The following SLCO2A1 variants were observed in gnomAD, a reference collection of about 807,000 sequenced individuals.
SLCO2A1 encodes solute carrier organic anion transporter family member 2A1.
A neutral mutation model predicts 71.7 loss-of-function variants in SLCO2A1; 60 were observed. The ratio of observed to expected loss-of-function variants is 0.84; its 90% CI spans 0.68 to 1.04. The LOEUF (loss-of-function observed/expected upper bound fraction) is 1.04. Ranked by LOEUF, SLCO2A1 falls within the 50% of genes least tolerant of loss-of-function variation. The probability of loss-of-function intolerance (pLI) is 0.00; values close to 1 mark genes in which losing one functional copy is unlikely to be tolerated. For missense variants in SLCO2A1, 745 were observed against 813.4 expected (o/e 0.92, Z 1.02); for synonymous variants, 308 against 326.7 (o/e 0.94, Z 0.62).
At chr3:133,966,541 G>A (rs1156268640) in intron 3 of SLCO2A1, among the ~76,000 whole-genome samples, 1 of 152,232 alleles carries the variant, frequency 6.6e-6, no homozygotes. Context: ...GCACCAGCCA[G>A]CCCCCTTAGG....
In SLCO2A1 at chr3:133,965,403, C is replaced by T. The variant is rs574622548; in HGVS notation, c.397+8260G>A. 2.5e-3 allele frequency among the ~76,000 whole-genome samples: 375 copies of T among 152,328 alleles called. 2 individuals carry two copies. Among genetic ancestry groups the T allele is most frequent in the African/African-American group, 7.9e-3 (327 of 41,578 alleles). The stretch of plus-strand genomic sequence containing the variant: ...TCACCCAGAAAGAAGCTGCTCTGAG[C>T]GCATGCCACTCAACGCTTGTCACGG... On this transcript the variant is annotated intron_variant, in intron 3 of 13. Coordinates refer to ENST00000310926, the MANE Select transcript of SLCO2A1 (RefSeq NM_005630.3).
At chr3:133,944,968 A>T (rs1933527472) in intron 10 of SLCO2A1, 127 bp downstream of exon 10, 2 of 1,140,622 alleles carry the variant, frequency 1.8e-6, no homozygotes, top group Admixed American at 4.8e-5. Context: ...GGAGGCCAGG[A>T]TGCTGGTAAT....
rs1294640340 is a variant in SLCO2A1 at position 133,935,037 on chromosome 3, CTT to C, written c.1815-209_1815-208del. On this transcript the variant is annotated intron_variant, in intron 13 of 13. Coordinates refer to ENST00000310926, the MANE Select transcript of SLCO2A1 (RefSeq NM_005630.3). ...GCAGGCAGGGAGTAGGCATGGGACT[CTT>C]AATCCAGGGCTCATCATCCCTCCAC... 2.6e-5 allele frequency among the ~76,000 whole-genome samples: 4 copies of C among 152,258 alleles called. No homozygotes were observed. In the East Asian group the frequency reaches 7.7e-4, roughly 29 times the overall value.
At chr3:133,937,829 C>T (rs1241149614) in intron 12 of SLCO2A1, among the ~76,000 whole-genome samples, 1 of 152,204 alleles carries the variant, frequency 6.6e-6, no homozygotes, top group Non-Finnish European at 1.5e-5. Context: ...CAGGAATGGG[C>T]CTGCATTGTG....
At chr3:133,990,030 G>T (rs568648160) in intron 1 of SLCO2A1, among the ~76,000 whole-genome samples, 1 of 152,198 alleles carries the variant, frequency 6.6e-6, no homozygotes, top group South Asian at 2.1e-4. Context: ...TGTGTTTTCC[G>T]TGGGGTAAAG....
At chr3:133,981,890 G>A (rs936500282) in intron 1 of SLCO2A1, among the ~76,000 whole-genome samples, 1 of 149,740 alleles carries the variant, frequency 6.7e-6, no homozygotes, top group African/African-American at 2.5e-5. Context: ...CAGGAGAATC[G>A]CTTGAACCTG....
At chr3:133,992,474 G>A (rs1934875769) in intron 1 of SLCO2A1, among the ~76,000 whole-genome samples, 1 of 152,244 alleles carries the variant, frequency 6.6e-6, no homozygotes, top group South Asian at 2.1e-4. Context: ...ATTCCAGGCA[G>A]GCAGAAGAGG....
intron 3 of SLCO2A1, among the ~76,000 whole-genome samples, chr3:133,967,118 G>C (rs1326447048): frequency 6.6e-6 from 1 of 152,184 alleles, no homozygotes; most frequent in Non-Finnish European, 1.5e-5. Context: ...TCTCAGCGGA[G>C]CAGGCTGCAG....
intron 1 of SLCO2A1, among the ~76,000 whole-genome samples, chr3:133,993,970 T>C (rs1934906867): frequency 6.6e-6 from 1 of 152,070 alleles, no homozygotes; most frequent in Non-Finnish European, 1.5e-5. Context: ...CTTGGGGACA[T>C]GGTATCAGAA....
At chr3:133,955,645 A>G (rs1420685274) in intron 3 of SLCO2A1, among the ~76,000 whole-genome samples, 2 of 152,122 alleles carry the variant, frequency 1.3e-5, no homozygotes, top group Non-Finnish European at 2.9e-5. Context: ...CTGGGCCCCC[A>G]GGGTTCTCTT....
At chr3:134,022,905 G>A (rs1457529012) in intron 1 of SLCO2A1, among the ~76,000 whole-genome samples, 2 of 152,126 alleles carry the variant, frequency 1.3e-5, no homozygotes, top group African/African-American at 2.4e-5. Context: ...ACAAAAGGTC[G>A]ATGTCTTAAA....
At chr3:133,944,731 G>A (rs566398214) in intron 10 of SLCO2A1, among the ~76,000 whole-genome samples, 40 of 152,332 alleles carry the variant, frequency 2.6e-4, no homozygotes, top group Middle Eastern at 3.4e-3. Flanking sequence ...CGATTTATCT[G>A]GGCCACGGCC....
intron 5 of SLCO2A1, among the ~76,000 whole-genome samples, chr3:133,953,038 A>ATT (rs974141869): frequency 6.8e-6 from 1 of 147,676 alleles, no homozygotes; most frequent in East Asian, 2.0e-4. Flanking sequence ...GAACCATAGA[A>ATT]TTTTTTTTTT....
At chr3:133,938,331 T>G in intron 12 of SLCO2A1, 98 bp downstream of exon 12, 2 of 1,016,752 alleles carry the variant, frequency 2.0e-6, no homozygotes, top group Non-Finnish European at 3.1e-6. Flanking sequence ...GCCATGGAGA[T>G]GAGATGGTGC....
At chr3:134,018,547 C>A (rs1431495420) in intron 1 of SLCO2A1, among the ~76,000 whole-genome samples, 1 of 152,274 alleles carries the variant, frequency 6.6e-6, no homozygotes, top group African/African-American at 2.4e-5. Context: ...TATTCTCCAG[C>A]CCTCAGTCTC....
chr3:133,953,892 G>A, intron 4 of SLCO2A1, 131 bp from the exon 5 acceptor site: 1 of 689,198 alleles, frequency 1.5e-6, no homozygotes, highest in Non-Finnish European at 2.6e-6. Context: ...CCACACCTGT[G>A]GCATCTCCCA....
chr3:133,934,898 C>G (rs1933230786), intron 13 of SLCO2A1, 68 bp from the exon 14 acceptor site: 1 of 1,292,094 alleles, frequency 7.7e-7, no homozygotes, highest in East Asian at 2.3e-5. Context: ...GGGCCAGGAC[C>G]ACTGGGAAGA....
At chr3:133,960,821 C>T (rs1934017088) in intron 3 of SLCO2A1, among the ~76,000 whole-genome samples, 1 of 151,988 alleles carries the variant, frequency 6.6e-6, no homozygotes, top group Non-Finnish European at 1.5e-5. Context: ...TAGGAGAGGA[C>T]ATTCTGGAGA....
chr3:133,973,083 G>T (rs1934366262), intron 3 of SLCO2A1, among the ~76,000 whole-genome samples: 1 of 152,166 alleles, frequency 6.6e-6, no homozygotes, highest in African/African-American at 2.4e-5. Flanking sequence ...GATGAGAGAG[G>T]ATGGTGGGCA....
Sources: allele counts gnomAD v4.1 joint callset (sites outside exome capture counted in the v4.1 genomes callset), GRCh38; gene constraint gnomAD v4.1.1; transcripts MANE v1.5; gene names NCBI Gene and HGNC (gene_info 2026-07-23, HGNC 2026-07-21).